GALNT13: variants seen among roughly 807,000 people sequenced by gnomAD.
GALNT13 encodes UDP-GalNAc:polypeptide N-acetylgalactosaminyltransferase 13.
A neutral mutation model predicts 64.2 loss-of-function variants in GALNT13; 28 were observed. The ratio of observed to expected loss-of-function variants is 0.44; its 90% CI spans 0.32 to 0.60. The LOEUF is 0.60. GALNT13 is among the 20% of genes least tolerant of loss of function. The pLI is 0.05. For synonymous variants in GALNT13, 214 were observed against 224.6 expected, an observed-to-expected ratio of 0.95 and a Z score of 0.42; for missense variants, 577 against 669.8, an observed-to-expected ratio of 0.86 and a Z score of 1.53.
the GALNT13 span, among the ~76,000 whole-genome samples, chr2:153,785,366 C>T: frequency 2.6e-5 from 4 of 152,268 alleles, no homozygotes; most frequent in East Asian, 3.9e-4. Context: ...AGTGGAGCTC[C>T]CAGAGGAAGG....
At chr2:154,075,686 C>G (rs1700952623) in intron 3 of GALNT13, among the ~76,000 whole-genome samples, 1 of 151,788 alleles carries the variant, frequency 6.6e-6, no homozygotes. Context: ...CTAGATTGTA[C>G]TGCAGAAATA....
At chr2:153,305,128 C>A in the GALNT13 span, among the ~76,000 whole-genome samples, 1 of 152,118 alleles carries the variant, frequency 6.6e-6, no homozygotes, top group Non-Finnish European at 1.5e-5. Context: ...GCCAACCCAC[C>A]ACTGGTTCTC....
the GALNT13 span, among the ~76,000 whole-genome samples, chr2:153,157,087 G>A: frequency 6.6e-6 from 1 of 152,182 alleles, no homozygotes; most frequent in Non-Finnish European, 1.5e-5. Context: ...GAGAAGAAAT[G>A]TCTAGCAAGG....
chr2:154,173,206 T>C (rs1272303197), intron 4 of GALNT13, among the ~76,000 whole-genome samples: 1 of 151,926 alleles, frequency 6.6e-6, no homozygotes, highest in Non-Finnish European at 1.5e-5. Flanking sequence ...TCAACAAAGA[T>C]ATTGAGAACA....
chr2:154,081,375 G>A (rs372053893), intron 3 of GALNT13, among the ~76,000 whole-genome samples: 29 of 151,676 alleles, frequency 1.9e-4, no homozygotes, highest in African/African-American at 6.5e-4. Flanking sequence ...ACTGTTTAGA[G>A]CTTAACTTCT....
the GALNT13 span, among the ~76,000 whole-genome samples, chr2:153,489,903 G>C: frequency 6.6e-6 from 1 of 151,956 alleles, no homozygotes; most frequent in Non-Finnish European, 1.5e-5. Context: ...AGGATTATTA[G>C]AGCCCAGGAG....
intron 3 of GALNT13, among the ~76,000 whole-genome samples, chr2:154,063,708 A>G (rs549910273): frequency 2.6e-5 from 4 of 152,224 alleles, no homozygotes; most frequent in Non-Finnish European, 5.9e-5. Flanking sequence ...TTAAATAATC[A>G]TACAATTTTA....
rs189317028 is a variant in GALNT13, at chr2:153,918,267, G to T, written c.-105+17260G>T. Reference sequence around the variant, plus strand: ...GAACTGAAATCCTTGGAAGGTAAAAGAAATGGAAAGGGAGATGCTCCTAAT... The same window carrying T: ...GAACTGAAATCCTTGGAAGGTAAAATAAATGGAAAGGGAGATGCTCCTAAT... On this transcript the variant is annotated intron_variant, in intron 2 of 12. Coordinates refer to ENST00000392825, the MANE Select transcript of GALNT13 (RefSeq NM_052917.4). 8.1e-4 allele frequency among the ~76,000 whole-genome samples: 124 copies of T among 152,244 alleles called. 1 individual carries two copies. The highest frequency in any genetic ancestry group is 2.9e-3 in the African/African-American group (119 of 41,558).
the GALNT13 span, among the ~76,000 whole-genome samples, chr2:153,572,673 G>A: frequency 1.3e-5 from 2 of 151,576 alleles, no homozygotes; most frequent in African/African-American, 2.4e-5. Flanking sequence ...AAATATTTCC[G>A]TTTTCTTCTT....
At chr2:153,281,247 C>G in the GALNT13 span, among the ~76,000 whole-genome samples, 1 of 150,620 alleles carries the variant, frequency 6.6e-6, no homozygotes, top group Non-Finnish European at 1.5e-5. Flanking sequence ...TTCTCCAGTC[C>G]TTTACTTTGT....
At chr2:153,304,889 A>T in the GALNT13 span, among the ~76,000 whole-genome samples, 1 of 152,154 alleles carries the variant, frequency 6.6e-6, no homozygotes, top group Admixed American at 6.5e-5. Flanking sequence ...AGGGCTGGAG[A>T]TAGAAGGCAC....
the GALNT13 span, among the ~76,000 whole-genome samples, chr2:153,320,730 T>C: frequency 6.6e-6 from 1 of 152,192 alleles, no homozygotes; most frequent in South Asian, 2.1e-4. Context: ...AAATAAATAA[T>C]GCTGAATTAC....
At chr2:153,939,945 T>G (rs1447309782) in intron 2 of GALNT13, among the ~76,000 whole-genome samples, 8 of 152,146 alleles carry the variant, frequency 5.3e-5, no homozygotes, top group Non-Finnish European at 8.8e-5. Context: ...CAGACTCAAA[T>G]CATGACAATG....
the GALNT13 span, among the ~76,000 whole-genome samples, chr2:153,711,055 C>T: frequency 6.6e-6 from 1 of 152,146 alleles, no homozygotes; most frequent in Non-Finnish European, 1.5e-5. Flanking sequence ...ATATTTTAAA[C>T]CCCCTTTCTC....
At chr2:153,595,191 T>A in the GALNT13 span, among the ~76,000 whole-genome samples, 1 of 151,930 alleles carries the variant, frequency 6.6e-6, no homozygotes, top group South Asian at 2.1e-4. Flanking sequence ...CTTATATGAT[T>A]TGAAGTGTTA....
chr2:153,366,720 GACACACACACACACACACACACACAC>G, the GALNT13 span, among the ~76,000 whole-genome samples: 2 of 109,116 alleles, frequency 1.8e-5, no homozygotes, highest in Non-Finnish European at 3.6e-5. Flanking sequence ...AGCACACAGG[GACACACACACACACACACACACACAC>G]ACACACACAC....
the GALNT13 span, among the ~76,000 whole-genome samples, chr2:153,651,554 A>T: frequency 6.6e-6 from 1 of 152,172 alleles, no homozygotes; most frequent in Non-Finnish European, 1.5e-5. Flanking sequence ...AATTTTTATC[A>T]TTCCTAAGTA....
intron 3 of GALNT13, among the ~76,000 whole-genome samples, chr2:154,055,746 T>A (rs16835736): frequency 0.011 from 1,623 of 152,200 alleles, 35 homozygotes; most frequent in African/African-American, 0.037. Context: ...AACATCTTCT[T>A]AAATTATATG....
the GALNT13 span, among the ~76,000 whole-genome samples, chr2:153,755,510 G>A: frequency 1.3e-5 from 2 of 151,900 alleles, no homozygotes; most frequent in Non-Finnish European, 2.9e-5. Flanking sequence ...GTGATGTTGA[G>A]CATTTTTTAA....
Sources: gnomAD v4.1 joint callset for allele counts (sites outside exome capture counted in the v4.1 genomes callset) on GRCh38, gnomAD v4.1.1 for gene constraint, MANE v1.5 for transcripts, NCBI Gene and HGNC (gene_info 2026-07-23, HGNC 2026-07-21) for gene names.